The following ZMIZ2 variants were observed in gnomAD, a reference collection of about 807,000 sequenced individuals.
ZMIZ2 encodes zinc finger MIZ domain-containing protein 2.
A neutral mutation model predicts 93.9 loss-of-function variants in ZMIZ2; 26 were observed. That is an observed-to-expected ratio of 0.28 (90% CI 0.20 to 0.38). The LOEUF (loss-of-function observed/expected upper bound fraction) is 0.38. Ranked by LOEUF, ZMIZ2 falls within the 10% of genes least tolerant of loss-of-function variation. The pLI, the probability that ZMIZ2 is intolerant of heterozygous loss-of-function variation, is 1.00. For missense variants in ZMIZ2, 1,023 were observed against 1,235.0 expected, an observed-to-expected ratio of 0.83 and a Z score of 2.57; for synonymous variants, 485 against 516.4, an observed-to-expected ratio of 0.94 and a Z score of 0.82.
rs1583663766 is a variant in ZMIZ2, at chr7:44,766,780, A to G, written c.2655+117A>G. 2.0e-6 allele frequency: 3 copies of G among 1,482,598 alleles called. No individual in the cohort carries two copies. The highest frequency in any genetic ancestry group is 4.6e-5 in the East Asian group (2 of 43,368). The allele number at this position is 1,482,598 out of a possible 1,614,324, so 91.8% of individuals were successfully genotyped here. A position where few individuals can be genotyped will look rare whatever the true frequency, so the allele number is the denominator to read the frequency against. On this transcript the variant is annotated intron_variant, in intron 18 of 18. Coordinates refer to ENST00000309315, the MANE Select transcript of ZMIZ2 (RefSeq NM_031449.4). The surrounding 1 kb of genome is among the most constrained non-coding windows in gnomAD (Gnocchi z 4.4). ...GACCCCTCAGAGAGCCGGTCAGATA[A>G]GGTCAACTAAATGCAGCTTTTGTTC...
Position 44,757,458 on chromosome 7 carries a change from C to T in ZMIZ2, c.449C>T (p.Ala150Val), listed in dbSNP as rs1263359200. ...PSTDFTQAAA[A>V]AAVAAAAATA... ...ACTGACTTCACGCAAGCGGCAGCTGCTGCAGCTGTGGCTGCTGCGGCAGCC... is the reference window on the plus strand; with the variant it reads ...ACTGACTTCACGCAAGCGGCAGCTGTTGCAGCTGTGGCTGCTGCGGCAGCC... Residue 150 changes from alanine to valine, a missense_variant, in exon 5 of 19, where the codon GCT becomes GTT. Physicochemically the swap from Ala to Val is moderately conservative, Grantham distance 64. This residue lies in a region of ZMIZ2 where 656 missense variants were observed against 777.1 expected (regional missense o/e 0.84). Transcript: ENST00000309315. The T allele has an allele frequency of 6.2e-7, 1 of 1,607,342 alleles. No individual in the cohort carries two copies. Among genetic ancestry groups the T allele is most frequent in the African/African-American group, 1.3e-5 (1 of 74,910 alleles).
At chr7:44,758,222 G>T in intron 6 of ZMIZ2, 114 bp downstream of exon 6, 1 of 1,353,082 alleles carries the variant, frequency 7.4e-7, no homozygotes, top group Non-Finnish European at 9.7e-7. Context: ...GCTCACGCCT[G>T]TAGTCCCTGC....
At chr7:44,749,592 G>C (rs1446846649) in intron 1 of ZMIZ2, among the ~76,000 whole-genome samples, 2 of 152,152 alleles carry the variant, frequency 1.3e-5, no homozygotes, top group Non-Finnish European at 2.9e-5. Context: ...TCAGGCGTGA[G>C]GATGCCCTGC....
rs1791745452 is a variant in ZMIZ2 at position 44,766,690 on chromosome 7, G to T, written c.2655+27G>T. 1 of 1,608,640 alleles carries T rather than the reference G, an allele frequency of 6.2e-7. No individual in the cohort carries two copies. The highest frequency in any genetic ancestry group is 1.3e-5 in the African/African-American group (1 of 74,792). The stretch of plus-strand genomic sequence containing the variant: ...TGAGTACCAGGCCCCATGCGGGGGA[G>T]TGCGTGGGAGCCAGGGCTAGAGGTG... On this transcript the variant is annotated intron_variant, in intron 18 of 18. Coordinates refer to ENST00000309315, the MANE Select transcript of ZMIZ2 (RefSeq NM_031449.4). The surrounding 1 kb of genome is among the most constrained non-coding windows in gnomAD (Gnocchi z 4.4).
chr7:44,757,892 A>C lies in ZMIZ2; in HGVS notation c.597A>C (p.Gly199=), dbSNP rs773247651. 6.2e-6 allele frequency: 10 copies of C among 1,601,590 alleles called. No homozygotes were observed. The East Asian group carries it at 2.2e-4, about 36-fold the overall frequency. The part of the protein sequence containing the change: ...QSFNSQFLQH[G]GPRGPSVPAG... ...TTAACAGCCAGTTTCTGCAGCATGGAGGTCCCCGGGGGCCTAGTGTCCCCG... is the reference window on the plus strand; with the variant it reads ...TTAACAGCCAGTTTCTGCAGCATGGCGGTCCCCGGGGGCCTAGTGTCCCCG... The change falls in exon 6 of 19, where the codon GGA becomes GGC. Residue 199 remains glycine, a synonymous_variant. Coordinates refer to ENST00000309315, the MANE Select transcript of ZMIZ2 (RefSeq NM_031449.4).
rs1052795454 is a variant in ZMIZ2, at chr7:44,768,312, T to C, written c.*689T>C. 1.3e-5 allele frequency: 2 copies of C among 153,566 alleles called. No homozygotes were observed. The highest frequency in any genetic ancestry group is 4.8e-5 in the African/African-American group (2 of 41,422). The allele number at this position is 153,566 out of a possible 1,614,324, so 9.5% of individuals were successfully genotyped here. The stretch of plus-strand genomic sequence containing the variant: ...GGAGCCAGCTGTCCAGCCAGCATGT[T>C]CCTGTTGTACAGCCCGGTCTCCCTG... On this transcript the variant is annotated 3_prime_UTR_variant, in exon 19 of 19. Coordinates refer to ENST00000309315, the MANE Select transcript of ZMIZ2 (RefSeq NM_031449.4).
rs752569021 is a variant in ZMIZ2, at chr7:44,766,684, G to A, written c.2655+21G>A. 13 of 1,609,846 alleles carry A rather than the reference G, an allele frequency of 8.1e-6. No individual in the cohort carries two copies. Among genetic ancestry groups the A allele is most frequent in the East Asian group, 2.2e-5 (1 of 44,794 alleles). On this transcript the variant is annotated intron_variant, in intron 18 of 18. Coordinates refer to ENST00000309315, the MANE Select transcript of ZMIZ2 (RefSeq NM_031449.4). This position sits in a 1 kb window ranked among gnomAD's most constrained non-coding sequence, Gnocchi z 4.4. ...TGGACGTGAGTACCAGGCCCCATGC[G>A]GGGGAGTGCGTGGGAGCCAGGGCTA...
In ZMIZ2 at chr7:44,759,334, C is replaced by G; in HGVS notation, c.867C>G (p.Ala289=). The change falls in exon 7 of 19, where the codon GCC becomes GCG. Residue 289 remains alanine, a synonymous_variant. Transcript: ENST00000309315. ...GAGGCCAGTATGCACCCAGCACCGC[C>G]CAGTTTGCGCCCAGCCCTGGGCAGC... ...LQGGQYAPST[A]QFAPSPGQPP... 1.9e-6 allele frequency: 3 copies of G among 1,604,250 alleles called. No individual in the cohort carries two copies. Among genetic ancestry groups the G allele is most frequent in the Non-Finnish European group, 2.6e-6 (3 of 1,175,630 alleles).
At chr7:44,759,769 T>C (rs1202493356) in intron 7 of ZMIZ2, 1 of 448,898 alleles carries the variant, frequency 2.2e-6, no homozygotes, top group African/African-American at 2.0e-5. Flanking sequence ...AACATTTGAA[T>C]GTTCTTTATG....
Position 44,759,383 on chromosome 7 carries a change from C to T in ZMIZ2, c.916C>T (p.Pro306Ser), listed in dbSNP as rs753507016. 6.2e-7 allele frequency: 1 copy of T among 1,605,100 alleles called. No individual in the cohort carries two copies. The highest frequency in any genetic ancestry group is 1.7e-5 in the Admixed American group (1 of 59,014). ...GQPPAPSPSY[P>S]GHRLPLQQGM... The stretch of plus-strand genomic sequence containing the variant: ...GCCCCCTGCCCCCTCCCCTTCCTAC[C>T]CTGGGCACAGGCTGCCCCTGCAGCA... The change falls in exon 7 of 19, where the codon CCT becomes TCT. Residue 306 changes from proline to serine, a missense_variant. Physicochemically the swap from Pro to Ser is moderately conservative, Grantham distance 74. Coordinates refer to ENST00000309315, the MANE Select transcript of ZMIZ2 (RefSeq NM_031449.4).
In ZMIZ2 at chr7:44,761,059, G is replaced by A. The variant is rs1791126175; in HGVS notation, c.1241-390G>A. ...GGGAGACCACAGCAGCAGAAGTTGG[G>A]ATCGTAGAACTCTAAACAGAGCTAT... On this transcript the variant is annotated intron_variant, in intron 9 of 18. Transcript: ENST00000309315. This position sits in a 1 kb window ranked among gnomAD's most constrained non-coding sequence, Gnocchi z 5.8. 6.6e-6 allele frequency among the ~76,000 whole-genome samples: 1 copy of A among 152,164 alleles called. No individual in the cohort carries two copies. The highest frequency in any genetic ancestry group is 2.1e-4 in the South Asian group (1 of 4,836).
rs1045822695 is a variant in ZMIZ2 at position 44,761,674 on chromosome 7, T to A, written c.1386-21T>A. 6.2e-7 allele frequency: 1 copy of A among 1,613,662 alleles called. No homozygotes were observed. Among genetic ancestry groups the A allele is most frequent in the Admixed American group, 1.7e-5 (1 of 59,982 alleles). On this transcript the variant is annotated intron_variant, in intron 10 of 18. Coordinates refer to ENST00000309315, the MANE Select transcript of ZMIZ2 (RefSeq NM_031449.4). This position sits in a 1 kb window ranked among gnomAD's most constrained non-coding sequence, Gnocchi z 5.8. ...ACTCTCAGGGCCCGTTTTCTGGGTG[T>A]CCACCCATCTTCCTGAGCAGGCCTG...
intron 1 of ZMIZ2, among the ~76,000 whole-genome samples, chr7:44,755,017 G>C (rs571770237): frequency 3.3e-5 from 5 of 152,286 alleles, no homozygotes; most frequent in African/African-American, 4.8e-5. Context: ...TTTGGTAAGG[G>C]GCTTGCTTGT....
Position 44,757,290 on chromosome 7 carries a change from C to T in ZMIZ2, c.369-88C>T, listed in dbSNP as rs1790685564. The T allele has an allele frequency of 2.0e-6, 3 of 1,537,178 alleles. No individual in the cohort carries two copies. The South Asian group carries it at 3.6e-5, about 18-fold the overall frequency. On this transcript the variant is annotated intron_variant, in intron 4 of 18. Coordinates refer to ENST00000309315, the MANE Select transcript of ZMIZ2 (RefSeq NM_031449.4). ...GGAGGGTCTAGAAAGAATGGGCTCC[C>T]CCTGGGTGCTGCATGCCTCTGGGGT...
chr7:44,757,278 A>G, intron 4 of ZMIZ2, 100 bp from the exon 5 acceptor site: 3 of 1,521,880 alleles, frequency 2.0e-6, no homozygotes, highest in Non-Finnish European at 2.6e-6. Flanking sequence ...GGGTCTAGAA[A>G]GAATGGGCTC....
rs1299785461 is a variant in ZMIZ2, at chr7:44,763,253, C to T, written c.1703-3C>T. ...CTCAAGTCCTTTACCTTGTTGATGTCAGTAAAGCGGAACTTCAGCAGCGGC... is the reference window on the plus strand; with the variant it reads ...CTCAAGTCCTTTACCTTGTTGATGTTAGTAAAGCGGAACTTCAGCAGCGGC... On this transcript the variant is annotated splice_region_variant and splice_polypyrimidine_tract_variant and intron_variant, in intron 12 of 18. Coordinates refer to ENST00000309315, the MANE Select transcript of ZMIZ2 (RefSeq NM_031449.4). This position sits in a 1 kb window ranked among gnomAD's most constrained non-coding sequence, Gnocchi z 5.6. 6.2e-7 allele frequency: 1 copy of T among 1,613,844 alleles called. No homozygotes were observed. The highest frequency in any genetic ancestry group is 8.5e-7 in the Non-Finnish European group (1 of 1,179,890).
chr7:44,769,100 C>G lies in ZMIZ2; in HGVS notation c.*1477C>G, dbSNP rs942648587. 6.5e-6 allele frequency: 1 copy of G among 152,734 alleles called. No homozygotes were observed. The highest frequency in any genetic ancestry group is 2.4e-5 in the African/African-American group (1 of 41,460). 9.5% of individuals were successfully genotyped at this position (152,734 alleles called of 1,614,324 possible). ...CTGGGAGGCCTCTGCTTGTCACTTC[C>G]CAGAGATTGCAGAGGTGTGTCCTGC... On this transcript the variant is annotated 3_prime_UTR_variant, in exon 19 of 19. Transcript: ENST00000309315.
chr7:44,750,398 C>T (rs1164481697), intron 1 of ZMIZ2, among the ~76,000 whole-genome samples: 2 of 152,184 alleles, frequency 1.3e-5, no homozygotes, highest in African/African-American at 4.8e-5. Flanking sequence ...GTGAGTACCC[C>T]ACTTTTTGCT....
In ZMIZ2 at chr7:44,758,066, C is replaced by T. The variant is rs754328665; in HGVS notation, c.771C>T (p.Ala257=). ...PQHGYPGPPQ[A]QPLPRQGVKR... ...ATGGGTATCCTGGGCCTCCCCAGGC[C>T]CAGCCACTGCCCCGACAGGGGGTCA... The change falls in exon 6 of 19, where the codon GCC becomes GCT. Residue 257 remains alanine, a synonymous_variant. Transcript: ENST00000309315. 2.5e-6 allele frequency: 4 copies of T among 1,596,308 alleles called. No individual in the cohort carries two copies. Among genetic ancestry groups the T allele is most frequent in the South Asian group, 1.1e-5 (1 of 87,884 alleles).
Sources: allele counts gnomAD v4.1 joint callset (sites outside exome capture counted in the v4.1 genomes callset), GRCh38; gene constraint gnomAD v4.1.1; regional missense constraint gnomAD v4.1.1; non-coding constraint Gnocchi (gnomAD v3.1); transcripts MANE v1.5; gene names NCBI Gene and HGNC (gene_info 2026-07-23, HGNC 2026-07-21).